Variants in SENP6 observed in about 807,000 individuals in gnomAD.
The protein encoded by SENP6 is sentrin-specific protease 6.
SENP6 carries 41 observed loss-of-function variants against 134.5 expected under a neutral mutation model. That is an observed-to-expected ratio of 0.30 (90% confidence interval 0.24 to 0.40). SENP6 has a LOEUF of 0.40. SENP6 is among the 10% of genes least tolerant of loss of function. The probability of loss-of-function intolerance (pLI) is 1.00; values close to 1 mark genes in which losing one functional copy is unlikely to be tolerated. For missense variants in SENP6, 1,248 were observed against 1,312.5 expected (o/e 0.95, Z 0.76); for synonymous variants, 395 against 429.8 (o/e 0.92, Z 1.00).
Position 75,602,312 on chromosome 6 carries a change from C to G in SENP6, c.-213C>G, listed in dbSNP as rs1766681578. ...GGCCTGAGAAGCTCGGGCCGCGGGC[C>G]TCGCTGCCCGCCAGCCCGCGGACAG... On this transcript the variant is annotated 5_prime_UTR_variant, in exon 1 of 24. Coordinates refer to ENST00000447266, the MANE Select transcript of SENP6 (RefSeq NM_015571.4). The G allele has an allele frequency of 2.1e-6, 1 of 468,432 alleles. No homozygotes were observed. Among genetic ancestry groups the G allele is most frequent in the Middle Eastern group, 5.6e-4 (1 of 1,782 alleles). 29.0% of individuals were successfully genotyped at this position (468,432 alleles called of 1,614,324 possible).
intron 23 of SENP6, 137 bp from the exon 24 acceptor site, chr6:75,715,248 G>T: frequency 1.5e-6 from 1 of 653,634 alleles, no homozygotes. Context: ...ACAGTACTTG[G>T]CATGTGATAG....
chr6:75,684,675 G>C (rs1427786469), intron 16 of SENP6, among the ~76,000 whole-genome samples: 1 of 152,142 alleles, frequency 6.6e-6, no homozygotes, highest in African/African-American at 2.4e-5. Flanking sequence ...TTTGTCATTG[G>C]TTCTGTTTAT....
intron 1 of SENP6, among the ~76,000 whole-genome samples, chr6:75,614,498 C>T (rs1302723376): frequency 6.6e-6 from 1 of 152,108 alleles, no homozygotes; most frequent in Non-Finnish European, 1.5e-5. Context: ...AAACTCCTGA[C>T]CTTGTGATCC....
rs774578807 is a variant in SENP6, at chr6:75,677,213, G to A, written c.1805G>A (p.Ser602Asn). The A allele has an allele frequency of 1.2e-6, 2 of 1,601,000 alleles. No homozygotes were observed. Among genetic ancestry groups the A allele is most frequent in the African/African-American group, 1.3e-5 (1 of 74,738 alleles). Residue 602 changes from serine to asparagine, a missense_variant, in exon 14 of 24, where the codon AGC becomes AAC. Around this residue, in one of 3 missense-constraint regions of SENP6, gnomAD observed 733 missense variants for 725.4 expected, o/e 1.01. Transcript: ENST00000447266. ...GCCTGTACAAGAACCTATGAAGAGA[G>A]CATCAAAGGAAGTTGTGGGCAAAAG... Reference protein sequence around the residue: ...LVACTRTYEESIKGSCGQKEN... With the variant: ...LVACTRTYEENIKGSCGQKEN...
intron 5 of SENP6, among the ~76,000 whole-genome samples, chr6:75,637,781 T>A (rs973892681): frequency 1.3e-5 from 2 of 152,154 alleles, no homozygotes; most frequent in African/African-American, 2.4e-5. Flanking sequence ...TATGAAAGCA[T>A]ATATAATTCA....
At chr6:75,617,319 G>C (rs1767936627) in intron 1 of SENP6, among the ~76,000 whole-genome samples, 1 of 125,980 alleles carries the variant, frequency 7.9e-6, no homozygotes, top group Non-Finnish European at 1.6e-5. Context: ...TGTTGCCCAG[G>C]CTGGAGTGCA....
intron 10 of SENP6, among the ~76,000 whole-genome samples, chr6:75,668,666 TC>T (rs1296222138): frequency 6.6e-6 from 1 of 152,232 alleles, no homozygotes; most frequent in Non-Finnish European, 1.5e-5. Flanking sequence ...TGGCAGTAAT[TC>T]TAAATGTGTA....
At chr6:75,634,522 G>C (rs567770458) in intron 4 of SENP6, among the ~76,000 whole-genome samples, 185 bp from the exon 5 acceptor site, 1 of 152,114 alleles carries the variant, frequency 6.6e-6, no homozygotes, top group East Asian at 1.9e-4. Flanking sequence ...AATTGGATTG[G>C]AAACATTTGA....
chr6:75,645,986 T>C (rs923583128), intron 6 of SENP6, among the ~76,000 whole-genome samples: 1 of 152,170 alleles, frequency 6.6e-6, no homozygotes, highest in African/African-American at 2.4e-5. Context: ...AGTACACAAG[T>C]TCAAATTGCA....
chr6:75,666,912 T>C lies in SENP6; in HGVS notation c.1195T>C (p.Leu399=). Residue 399 remains leucine (L), a synonymous_variant, in exon 10 of 24, where the codon TTG becomes CTG. Coordinates refer to ENST00000447266, the MANE Select transcript of SENP6 (RefSeq NM_015571.4). ...AGACTCAGAGTTAAATACAGTTACA[T>C]TGCCAAGAAAAGCAAGAATGAAAGA... is the stretch of plus-strand genomic sequence containing the variant. ...PEDSELNTVT[L]PRKARMKDQF... is the part of the protein sequence containing the mutation. 1 of 1,605,476 alleles carries C rather than the reference T, an allele frequency of 6.2e-7. No individual in the cohort carries two copies. The highest frequency in any genetic ancestry group is 8.5e-7 in the Non-Finnish European group (1 of 1,173,538).
At chr6:75,689,285 T>C (rs1255927667) in intron 16 of SENP6, among the ~76,000 whole-genome samples, 11 of 152,154 alleles carry the variant, frequency 7.2e-5, no homozygotes. Context: ...TATCTCTTTT[T>C]TAAGTGATCC....
intron 10 of SENP6, among the ~76,000 whole-genome samples, chr6:75,667,556 A>T (rs541563772): frequency 8.5e-5 from 13 of 152,340 alleles, no homozygotes; most frequent in African/African-American, 2.4e-4. Flanking sequence ...GACTTTAAAA[A>T]TTGTTAAAAA....
intron 20 of SENP6, among the ~76,000 whole-genome samples, chr6:75,710,405 C>T (rs907021958): frequency 3.3e-5 from 5 of 152,078 alleles, no homozygotes; most frequent in Admixed American, 1.3e-4. Context: ...TATAAGAATC[C>T]TACAGCATAC....
Position 75,666,810 on chromosome 6 carries a change from C to T in SENP6, c.1093C>T (p.Pro365Ser), listed in dbSNP as rs147285994. The T allele has an allele frequency of 6.2e-7, 1 of 1,613,736 alleles. No individual in the cohort carries two copies. Among genetic ancestry groups the T allele is most frequent in the East Asian group, 2.2e-5 (1 of 44,862 alleles). ...TGATTCAGCATGTTCTTCCCCTGCA[C>T]CATCCACTGGAAAAGTAGAAGCAGC... is the stretch of plus-strand genomic sequence containing the variant. Reference protein sequence around the residue: ...PADSACSSPAPSTGKVEAALN... With the variant: ...PADSACSSPASSTGKVEAALN... Residue 365 changes from proline (P) to serine (S), a missense_variant, in exon 10 of 24, where the codon CCA (proline) becomes TCA (serine). By Grantham distance (74) the Pro-to-Ser change is moderately conservative. Around this residue, in one of 3 missense-constraint regions of SENP6, gnomAD observed 733 missense variants for 725.4 expected, o/e 1.01. Transcript: ENST00000447266.
Position 75,715,698 on chromosome 6 carries a change from AT to A in SENP6, c.*108del. ...GTGCTCACTACTCAGTGATTTGGAA[AT>A]TTTGATGCTTGTATAAATGTCAGAT... On this transcript the variant is annotated 3_prime_UTR_variant, in exon 24 of 24. Coordinates refer to ENST00000447266, the MANE Select transcript of SENP6 (RefSeq NM_015571.4). 1.4e-6 allele frequency: 1 copy of A among 725,354 alleles called. No individual in the cohort carries two copies. 44.9% of individuals were successfully genotyped at this position (725,354 alleles called of 1,614,324 possible). A position where few individuals can be genotyped will look rare whatever the true frequency, so the allele number is the denominator to read the frequency against.
rs1205900515 is a variant in SENP6, at chr6:75,679,059, G to A, written c.2075+132G>A. On this transcript the variant is annotated intron_variant, in intron 16 of 23. Coordinates refer to ENST00000447266, the MANE Select transcript of SENP6 (RefSeq NM_015571.4). ...CCACTTACTGTGTGACATTTGGGGA[G>A]TTATTTTTTCTGTTTCTGTCTTTGC... 4.4e-5 allele frequency: 25 copies of A among 568,602 alleles called. No individual in the cohort carries two copies. The East Asian group carries it at 7.8e-4, about 18-fold the overall frequency. The allele number at this position is 568,602 out of a possible 1,614,324, so 35.2% of individuals were successfully genotyped here. A position where few individuals can be genotyped will look rare whatever the true frequency, so the allele number is the denominator to read the frequency against.
chr6:75,634,821 C>T lies in SENP6; in HGVS notation c.458+10C>T, dbSNP rs2149838531. On this transcript the variant is annotated intron_variant, in intron 5 of 23. Coordinates refer to ENST00000447266, the MANE Select transcript of SENP6 (RefSeq NM_015571.4). ...AAACAGCAGCCCAAAGGTAAGAATT[C>T]TAATTGTCTTTGGTTAGTATATACA... 1 of 1,548,340 alleles carries T rather than the reference C, an allele frequency of 6.5e-7. No homozygotes were observed. The highest frequency in any genetic ancestry group is 8.8e-7 in the Non-Finnish European group (1 of 1,131,792).
At chr6:75,634,968 T>A in intron 5 of SENP6, 157 bp downstream of exon 5, 1 of 685,926 alleles carries the variant, frequency 1.5e-6, no homozygotes, top group Non-Finnish European at 2.7e-6. Flanking sequence ...GAAATTATAC[T>A]ATTTTATATC....
At chr6:75,709,075 G>A (rs1220190419) in intron 19 of SENP6, among the ~76,000 whole-genome samples, 9 of 151,660 alleles carry the variant, frequency 5.9e-5, no homozygotes, top group South Asian at 2.1e-4. Context: ...AATTTTCCAC[G>A]TTTTCGAAAT....
Sources: allele counts gnomAD v4.1 joint callset (sites outside exome capture counted in the v4.1 genomes callset), GRCh38; gene constraint gnomAD v4.1.1; regional missense constraint gnomAD v4.1.1; transcripts MANE v1.5; gene names NCBI Gene and HGNC (gene_info 2026-07-23, HGNC 2026-07-21).